TLK1: variants seen among roughly 807,000 people sequenced by gnomAD.
The protein encoded by TLK1 is serine/threonine-protein kinase tousled-like 1.
TLK1 carries 24 observed loss-of-function variants against 105.3 expected under a neutral mutation model. The observed-to-expected ratio is 0.23, with a 90% confidence interval of 0.17 to 0.32. The LOEUF is 0.32. TLK1 is among the 10% of genes least tolerant of loss of function. The pLI is 1.00. For synonymous variants in TLK1, 321 were observed against 310.4 expected (o/e 1.03, Z -0.36); for missense variants, 558 against 910.5 (o/e 0.61, Z 4.98).
chr2:171,057,698 A>G (rs1442813338), intron 5 of TLK1, among the ~76,000 whole-genome samples: 1 of 152,102 alleles, frequency 6.6e-6, no homozygotes, highest in Non-Finnish European at 1.5e-5. Flanking sequence ...AGAATTCTCA[A>G]CTAGAGAGCC....
At chr2:171,024,414 A>G (rs1301416220) in intron 12 of TLK1, among the ~76,000 whole-genome samples, 1 of 152,156 alleles carries the variant, frequency 6.6e-6, no homozygotes, top group Admixed American at 6.5e-5. Context: ...AAGAGAATGA[A>G]AAAGAATGTG....
intron 1 of TLK1, among the ~76,000 whole-genome samples, chr2:171,174,758 C>T (rs1178982755): frequency 6.6e-6 from 1 of 152,174 alleles, no homozygotes; most frequent in Non-Finnish European, 1.5e-5. Context: ...ATTGTGTTCA[C>T]ACAATAGTCT....
At chr2:170,995,923 G>A (rs1239311734) in intron 20 of TLK1, among the ~76,000 whole-genome samples, 4 of 151,606 alleles carry the variant, frequency 2.6e-5, no homozygotes, top group Non-Finnish European at 4.4e-5. Flanking sequence ...GGCTGGTCTC[G>A]AACTCCTGGG....
At chr2:171,113,424 C>G (rs1196728586) in intron 2 of TLK1, among the ~76,000 whole-genome samples, 1 of 152,062 alleles carries the variant, frequency 6.6e-6, no homozygotes, top group African/African-American at 2.4e-5. Context: ...GCACCCGCCA[C>G]CATGCCCAGC....
intron 1 of TLK1, among the ~76,000 whole-genome samples, chr2:171,229,494 CTT>C: frequency 6.6e-6 from 1 of 152,208 alleles, no homozygotes; most frequent in Non-Finnish European, 1.5e-5. Flanking sequence ...TAAACTCACT[CTT>C]CCCTCCGGGT....
chr2:171,088,117 GC>G (rs1202791791), intron 2 of TLK1, among the ~76,000 whole-genome samples: 6 of 152,028 alleles, frequency 3.9e-5, no homozygotes, highest in Non-Finnish European at 7.4e-5. Context: ...GATGGCTTGA[GC>G]CCAGGAGTTT....
chr2:171,114,181 T>C (rs1286388371), intron 2 of TLK1, among the ~76,000 whole-genome samples: 2 of 151,868 alleles, frequency 1.3e-5, no homozygotes, highest in Non-Finnish European at 2.9e-5. Context: ...CCAACTATAC[T>C]AAAAAACAAA....
chr2:171,006,111 A>G, intron 18 of TLK1, 36 bp downstream of exon 18: 1 of 1,513,796 alleles, frequency 6.6e-7, no homozygotes, highest in Non-Finnish European at 8.8e-7. Context: ...CTGGGCACCA[A>G]TCTAGACATT....
chr2:171,161,654 TCA>T (rs899850509), upstream of TLK1, among the ~76,000 whole-genome samples: 9 of 152,324 alleles, frequency 5.9e-5, no homozygotes, highest in African/African-American at 2.2e-4. Flanking sequence ...GATTACTGAA[TCA>T]CATATTTAGG....
At chr2:171,192,504 C>T (rs974238294) in intron 1 of TLK1, among the ~76,000 whole-genome samples, 1 of 151,782 alleles carries the variant, frequency 6.6e-6, no homozygotes, top group Admixed American at 6.6e-5. Context: ...ACAGTGAAAC[C>T]CCATCTCTAC....
At chr2:171,134,399 G>A (rs1440151676) in intron 1 of TLK1, among the ~76,000 whole-genome samples, 11 of 152,042 alleles carry the variant, frequency 7.2e-5, no homozygotes, top group Non-Finnish European at 5.9e-5. Context: ...TTGTACTTGT[G>A]ACACACTGCA....
At chr2:171,083,965 T>C (rs566830014) in intron 2 of TLK1, among the ~76,000 whole-genome samples, 1 of 152,274 alleles carries the variant, frequency 6.6e-6, no homozygotes, top group South Asian at 2.1e-4. Context: ...AGTGGCAAAG[T>C]GTTTGAGCAT....
At chr2:171,096,532 G>A (rs1056846160) in intron 2 of TLK1, among the ~76,000 whole-genome samples, 1 of 152,134 alleles carries the variant, frequency 6.6e-6, no homozygotes, top group Admixed American at 6.5e-5. Context: ...CAAGGCAGGT[G>A]GATCATTTGA....
intron 1 of TLK1, among the ~76,000 whole-genome samples, chr2:171,151,829 C>G (rs934019058): frequency 9.9e-5 from 15 of 151,930 alleles, no homozygotes; most frequent in Non-Finnish European, 1.8e-4. Flanking sequence ...AAATAAGTAA[C>G]AGAGTAGTAT....
intron 11 of TLK1, among the ~76,000 whole-genome samples, chr2:171,042,334 T>A (rs937967836): frequency 3.3e-5 from 5 of 152,118 alleles, no homozygotes; most frequent in Non-Finnish European, 5.9e-5. Context: ...GTAATCAAAC[T>A]CCTGGGCTCA....
At chr2:171,190,125 A>G (rs1315449228) in intron 1 of TLK1, among the ~76,000 whole-genome samples, 1 of 152,222 alleles carries the variant, frequency 6.6e-6, no homozygotes, top group African/African-American at 2.4e-5. Context: ...TTTCCATTCG[A>G]ACTTCTCCAC....
chr2:171,082,355 C>T (rs902431790), intron 3 of TLK1, among the ~76,000 whole-genome samples: 1 of 151,650 alleles, frequency 6.6e-6, no homozygotes, highest in African/African-American at 2.4e-5. Flanking sequence ...AGCATGATTC[C>T]ATAAGAAATT....
chr2:171,089,799 A>C (rs1170036694), intron 2 of TLK1, among the ~76,000 whole-genome samples: 1 of 152,112 alleles, frequency 6.6e-6, no homozygotes, highest in Non-Finnish European at 1.5e-5. Context: ...TCAACCTCTT[A>C]AGTAGCTGGG....
chr2:171,106,516 T>G (rs1271256714), intron 2 of TLK1, among the ~76,000 whole-genome samples: 1 of 152,172 alleles, frequency 6.6e-6, no homozygotes, highest in African/African-American at 2.4e-5. Context: ...ATGAAGGTTG[T>G]ATGTACAGTA....
Sources: gnomAD v4.1 joint callset for allele counts (sites outside exome capture counted in the v4.1 genomes callset) on GRCh38, gnomAD v4.1.1 for gene constraint, MANE v1.5 for transcripts, NCBI Gene and HGNC (gene_info 2026-07-23, HGNC 2026-07-21) for gene names.